Variants in UNC79 observed in about 807,000 individuals in gnomAD.
UNC79 encodes the protein unc-79 subunit of NALCN channel complex.
UNC79 carries 37 observed loss-of-function variants against 283.1 expected under a neutral mutation model. The ratio of observed to expected loss-of-function variants is 0.13; its 90% CI spans 0.10 to 0.17. The LOEUF (loss-of-function observed/expected upper bound fraction) is 0.17, where lower values mean the gene tolerates loss of function less well. Among genes scored for constraint, UNC79 ranks in the 10% least tolerant of loss-of-function variants. The probability of loss-of-function intolerance (pLI) is 1.00; values close to 1 mark genes in which losing one functional copy is unlikely to be tolerated. For synonymous variants in UNC79, 1,107 were observed against 1,200.2 expected (o/e 0.92, Z 1.61); for missense variants, 2,272 against 3,211.1 (o/e 0.71, Z 7.07).
chr14:93,338,744 G>GA (rs2053637558), intron 1 of UNC79, among the ~76,000 whole-genome samples: 1 of 151,912 alleles, frequency 6.6e-6, no homozygotes, highest in South Asian at 2.1e-4. Context: ...CTGTCTCTAT[G>GA]AAAAAAAGAC....
chr14:93,654,019 C>G, exon 37 of UNC79: 1 of 1,614,056 alleles, frequency 6.2e-7, no homozygotes, highest in Non-Finnish European at 8.5e-7. Context: ...TCAGTCAGCT[C>G]CTAGAGGTGG....
intron 35 of UNC79, 120 bp from the exon 39 acceptor site, chr14:93,653,622 C>A: frequency 1.2e-6 from 1 of 849,824 alleles, no homozygotes; most frequent in Non-Finnish European, 1.9e-6. Flanking sequence ...CACTGATGAA[C>A]ATGACAGTGA....
intron 33 of UNC79, among the ~76,000 whole-genome samples, chr14:93,642,886 T>A (rs768968919): frequency 3.3e-5 from 5 of 152,184 alleles, no homozygotes; most frequent in African/African-American, 4.8e-5. Flanking sequence ...TCAGCTGGCT[T>A]TGGTCGTGTT....
In UNC79 at chr14:93,376,922, C is replaced by T. The variant is rs2054571664; in HGVS notation, c.-351+43399C>T. Among the ~76,000 whole-genome samples the T allele has an allele frequency of 2.7e-5, 4 of 148,634 alleles. No homozygotes were observed. The South Asian group carries it at 8.4e-4, about 31-fold the overall frequency. On this transcript the variant is annotated intron_variant, in intron 1 of 49. Transcript: ENST00000256339. ...TATATGTTATATATATTATAGCTTT[C>T]TCTCATGCACTCACCTATGTACATA...
intron 14 of UNC79, among the ~76,000 whole-genome samples, chr14:93,544,130 T>C (rs976429121): frequency 1.3e-5 from 2 of 152,208 alleles, no homozygotes; most frequent in Admixed American, 1.3e-4. Flanking sequence ...ATGATTATGT[T>C]GGGAGAAAAA....
intron 40 of UNC79, 49 bp from the exon 44 acceptor site, chr14:93,673,302 T>G (rs746978328): frequency 6.4e-7 from 1 of 1,553,762 alleles, no homozygotes; most frequent in Non-Finnish European, 8.8e-7. Context: ...GGATATACTC[T>G]AATTGAATTT....
chr14:93,599,353 AGTGTGT>A (rs56758207), intron 24 of UNC79, among the ~76,000 whole-genome samples: 3,080 of 148,066 alleles, frequency 0.021, 26 homozygotes, highest in African/African-American at 0.028. Flanking sequence ...CACATACTTA[AGTGTGT>A]GTGTGTGTGT....
intron 27 of UNC79, among the ~76,000 whole-genome samples, chr14:93,613,508 G>A (rs963640334): frequency 5.4e-5 from 8 of 148,918 alleles, no homozygotes; most frequent in Non-Finnish European, 8.9e-5. Flanking sequence ...TCCGCTTCCC[G>A]GGTTCACGCC....
chr14:93,575,560 G>C (rs545159259), intron 17 of UNC79, among the ~76,000 whole-genome samples: 2 of 152,070 alleles, frequency 1.3e-5, no homozygotes, highest in Non-Finnish European at 2.9e-5. Context: ...GGAGGAGTTT[G>C]GATGATTGTT....
At chr14:93,568,387 G>T (rs2063020834) in intron 14 of UNC79, among the ~76,000 whole-genome samples, 2 of 151,932 alleles carry the variant, frequency 1.3e-5, no homozygotes, top group African/African-American at 4.8e-5. Context: ...AAACTTACTA[G>T]TTTAGGCCAG....
intron 26 of UNC79, among the ~76,000 whole-genome samples, chr14:93,609,398 T>C (rs1037439685): frequency 2.6e-5 from 4 of 152,218 alleles, no homozygotes; most frequent in Admixed American, 2.6e-4. Context: ...TCAAATCATC[T>C]GAATAAATAA....
intron 40 of UNC79, among the ~76,000 whole-genome samples, chr14:93,666,057 G>T (rs932409720): frequency 1.4e-5 from 1 of 72,338 alleles, no homozygotes; most frequent in Non-Finnish European, 2.9e-5. Context: ...TCTGTAAGGG[G>T]TGTGTGTTTG....
chr14:93,532,989 AGACT>A (rs1268516506), intron 11 of UNC79, among the ~76,000 whole-genome samples: 1 of 152,218 alleles, frequency 6.6e-6, no homozygotes, highest in Non-Finnish European at 1.5e-5. Context: ...AAACATACCC[AGACT>A]GACTGTATAT....
chr14:93,691,569 G>A (rs2074702830), intron 45 of UNC79, 180 bp from the exon 49 acceptor site: 1 of 651,004 alleles, frequency 1.5e-6, no homozygotes, highest in African/African-American at 1.8e-5. Flanking sequence ...CACTGGTGGA[G>A]AAGAGAGCAC....
intron 1 of UNC79, among the ~76,000 whole-genome samples, chr14:93,409,041 G>A (rs2140044835): frequency 6.6e-6 from 1 of 152,224 alleles, no homozygotes; most frequent in South Asian, 2.1e-4. Context: ...TCACTATACT[G>A]CTTTTATTCA....
chr14:93,555,771 T>C (rs1240915127), intron 14 of UNC79, among the ~76,000 whole-genome samples: 1 of 152,198 alleles, frequency 6.6e-6, no homozygotes, highest in Non-Finnish European at 1.5e-5. Context: ...CTGCCCTAAA[T>C]AATTATCAGT....
intron 1 of UNC79, among the ~76,000 whole-genome samples, chr14:93,337,807 C>T (rs117720114): frequency 0.011 from 1,699 of 152,288 alleles, 12 homozygotes; most frequent in Non-Finnish European, 0.019. Flanking sequence ...GTAACACTCC[C>T]TTTGGGGCTC....
intron 14 of UNC79, among the ~76,000 whole-genome samples, chr14:93,567,287 G>T (rs112250604): frequency 0.014 from 2,176 of 152,128 alleles, 28 homozygotes; most frequent in Middle Eastern, 0.048. Context: ...GTGTAGTGGC[G>T]CAATCTCGGC....
intron 29 of UNC79, among the ~76,000 whole-genome samples, chr14:93,619,945 T>C: frequency 6.6e-6 from 1 of 152,244 alleles, no homozygotes; most frequent in East Asian, 1.9e-4. Context: ...CTTTGGCCTT[T>C]CAAAAGGACG....
Sources: allele counts gnomAD v4.1 joint callset (sites outside exome capture counted in the v4.1 genomes callset), GRCh38; gene constraint gnomAD v4.1.1; transcripts MANE v1.5; gene names NCBI Gene and HGNC (gene_info 2026-07-23, HGNC 2026-07-21).